Variants in KLF15 observed in about 807,000 individuals in gnomAD.
The protein encoded by KLF15 is KLF transcription factor 15.
KLF15 carries 4 observed loss-of-function variants against 24.6 expected under a neutral mutation model. That is an observed-to-expected ratio of 0.16 (90% confidence interval 0.08 to 0.37). The LOEUF (loss-of-function observed/expected upper bound fraction) is 0.37. Among genes scored for constraint, KLF15 ranks in the 10% least tolerant of loss-of-function variants. The pLI is 1.00. For synonymous variants in KLF15, 246 were observed against 236.3 expected, an observed-to-expected ratio of 1.04 and a Z score of -0.37; for missense variants, 496 against 560.6, an observed-to-expected ratio of 0.88 and a Z score of 1.16.
At chr3:126,349,253 T>C (rs1349474953) in intron 2 of KLF15, among the ~76,000 whole-genome samples, 1 of 152,098 alleles carries the variant, frequency 6.6e-6, no homozygotes, top group African/African-American at 2.4e-5. Flanking sequence ...GAACAGCGCC[T>C]CTGCCATGAG....
In KLF15 at chr3:126,352,798, T is replaced by C; in HGVS notation, c.125A>G (p.Asp42Gly). The C allele has an allele frequency of 6.3e-7, 1 of 1,592,430 alleles. No homozygotes were observed. Among genetic ancestry groups the C allele is most frequent in the Non-Finnish European group, 8.6e-7 (1 of 1,169,422 alleles). ...GCAGGGGCTGGAGGCATCGCTGTCA[T>C]CTTCAGAGACGGGTGAGGGCAGCAT... ...YHMLPSPVSE[D>G]DSDASSPCSC... The change falls in exon 2 of 3, where the codon GAT (aspartate) becomes GGT (glycine). Residue 42 changes from aspartate to glycine, a missense_variant. Physicochemically the swap from Asp to Gly is moderately conservative, Grantham distance 94. This residue lies in a region of KLF15 where 399 missense variants were observed against 423.1 expected (regional missense o/e 0.94). Transcript: ENST00000296233.
chr3:126,341,930 C>G (rs2082482317), downstream of KLF15, among the ~76,000 whole-genome samples: 1 of 152,304 alleles, frequency 6.6e-6, no homozygotes, highest in Middle Eastern at 3.4e-3. Context: ...AGGCCCTGGT[C>G]AGCCTCCATT....
At chr3:126,337,733 A>G (rs1290145767), downstream of KLF15, among the ~76,000 whole-genome samples, 3 of 152,208 alleles carry the variant, frequency 2.0e-5, no homozygotes, top group Non-Finnish European at 4.4e-5. Flanking sequence ...TCTCTGCCAG[A>G]TGCTATTCTA....
At chr3:126,342,563 G>T (rs148655185), downstream of KLF15, 104 of 152,672 alleles carry the variant, frequency 6.8e-4, 1 homozygote, top group East Asian at 0.013. Context: ...CGAAGGTGGA[G>T]ACATAGACTC....
At position 126,352,710 on chromosome 3, in the gene KLF15, C is replaced by G. The variant is rs766329527; in HGVS notation, c.213G>C (p.Glu71Asp). 1 of 1,582,208 alleles carries G rather than the reference C, an allele frequency of 6.3e-7. No individual in the cohort carries two copies. Among genetic ancestry groups the G allele is most frequent in the Non-Finnish European group, 8.6e-7 (1 of 1,164,354 alleles). ...CSCYGGGLGTESQDSILDFLL... is the reference protein window; with the variant it reads ...CSCYGGGLGTDSQDSILDFLL... ...GGAAGTCCAAGATGCTGTCCTGGCT[C>G]TCGGTGCCCAGGCCTCCACCATAGC... Residue 71 changes from glutamate (E) to aspartate (D), a missense_variant, in exon 2 of 3, where the codon GAG becomes GAC. By Grantham distance (45) the Glu-to-Asp change is conservative. Transcript: ENST00000296233.
chr3:126,350,257 C>T (rs2082572225), intron 2 of KLF15, among the ~76,000 whole-genome samples: 1 of 152,226 alleles, frequency 6.6e-6, no homozygotes, highest in South Asian at 2.1e-4. Flanking sequence ...TCACAAGCAA[C>T]CTGTCAGCCA....
chr3:126,292,263 TTC>T, the KLF15 span, among the ~76,000 whole-genome samples: 1 of 152,098 alleles, frequency 6.6e-6, no homozygotes, highest in Non-Finnish European at 1.5e-5. Context: ...GTTCCACCAC[TTC>T]TGAGGAATTA....
chr3:126,308,521 T>G, the KLF15 span, among the ~76,000 whole-genome samples: 1 of 152,172 alleles, frequency 6.6e-6, no homozygotes, highest in South Asian at 2.1e-4. Context: ...GACACAGAGC[T>G]GAGGGGAAAT....
At chr3:126,327,438 A>G in the KLF15 span, among the ~76,000 whole-genome samples, 3 of 152,278 alleles carry the variant, frequency 2.0e-5, no homozygotes, top group African/African-American at 7.2e-5. Context: ...GGGTGAGGCC[A>G]GGTTGGGATG....
chr3:126,299,585 T>TA, the KLF15 span, among the ~76,000 whole-genome samples: 3 of 151,290 alleles, frequency 2.0e-5, no homozygotes, highest in Non-Finnish European at 4.4e-5. Flanking sequence ...CCGTCTCTAC[T>TA]AAAAATACAA....
At chr3:126,345,439 G>A (rs185145598) in intron 2 of KLF15, among the ~76,000 whole-genome samples, 115 of 152,092 alleles carry the variant, frequency 7.6e-4, no homozygotes, top group African/African-American at 2.7e-3. Context: ...CCCTAGGGGG[G>A]CAGACACTGT....
At chr3:126,329,101 G>C in the KLF15 span, among the ~76,000 whole-genome samples, 7 of 152,136 alleles carry the variant, frequency 4.6e-5, no homozygotes, top group African/African-American at 1.4e-4. Context: ...GCTATTTCTT[G>C]TACCTTTATA....
downstream of KLF15, among the ~76,000 whole-genome samples, chr3:126,339,648 T>C (rs546322468): frequency 1.5e-4 from 23 of 152,298 alleles, no homozygotes; most frequent in African/African-American, 4.8e-4. Context: ...ACTGTGCAGG[T>C]TGACATGTTC....
intron 2 of KLF15, among the ~76,000 whole-genome samples, chr3:126,344,909 G>A (rs1339957657): frequency 6.6e-6 from 1 of 152,172 alleles, no homozygotes; most frequent in Non-Finnish European, 1.5e-5. Context: ...CTGCATCGAG[G>A]GCCTGGACTG....
the KLF15 span, among the ~76,000 whole-genome samples, chr3:126,323,434 TAAC>T: frequency 2.4e-4 from 14 of 57,604 alleles, no homozygotes; most frequent in Middle Eastern, 0.012. Flanking sequence ...TATATATATA[TAAC>T]ATATATATGT....
chr3:126,292,853 A>G, the KLF15 span, among the ~76,000 whole-genome samples: 1 of 152,080 alleles, frequency 6.6e-6, no homozygotes, highest in East Asian at 1.9e-4. Context: ...AAGTCATTGC[A>G]GGGGTCCAAG....
At chr3:126,295,017 CACAT>C in the KLF15 span, among the ~76,000 whole-genome samples, 38 of 152,104 alleles carry the variant, frequency 2.5e-4, no homozygotes, top group African/African-American at 8.7e-4. Flanking sequence ...ACATAATACA[CACAT>C]ACACATGTGC....
the KLF15 span, among the ~76,000 whole-genome samples, chr3:126,318,559 G>A: frequency 6.6e-6 from 1 of 152,112 alleles, no homozygotes; most frequent in Non-Finnish European, 1.5e-5. Flanking sequence ...CGTCAGTGTT[G>A]GCCGACACGT....
At chr3:126,350,623 C>G (rs186155384) in intron 2 of KLF15, among the ~76,000 whole-genome samples, 2 of 152,370 alleles carry the variant, frequency 1.3e-5, no homozygotes, top group Middle Eastern at 3.4e-3. Flanking sequence ...AAAACAAAAG[C>G]TGCAAACTGC....
Sources: gnomAD v4.1 joint callset for allele counts (sites outside exome capture counted in the v4.1 genomes callset) on GRCh38, gnomAD v4.1.1 for gene constraint, gnomAD v4.1.1 regional missense constraint, MANE v1.5 for transcripts, NCBI Gene and HGNC (gene_info 2026-07-23, HGNC 2026-07-21) for gene names.